The following GAGE1 variants were observed in gnomAD, a reference collection of about 807,000 sequenced individuals.
GAGE1 encodes the protein G antigen 1.
Under a neutral mutation model 5.0 loss-of-function variants are expected in GAGE1, and 5 were observed. The ratio of observed to expected loss-of-function variants is 1.00; its 90% confidence interval spans 0.52 to 2.11. The LOEUF (loss-of-function observed/expected upper bound fraction) is 2.11. Among genes scored for constraint, GAGE1 ranks in the 30% most tolerant of loss-of-function variants. The pLI, the probability that GAGE1 is intolerant of heterozygous loss-of-function variation, is 0.01. For synonymous variants in GAGE1, 6 were observed against 14.8 expected (o/e 0.40, Z 1.37); for missense variants, 9 against 38.9 (o/e 0.23, Z 2.04).
At chrX:49,605,402 A>T (rs184992324) in intron 4 of GAGE1, among the ~76,000 whole-genome samples, 9 of 112,266 alleles carry the variant, frequency 8.0e-5, no homozygotes, top group Admixed American at 4.7e-4. Context: ...GTGTTTTCCA[A>T]ATTGCTGACT....
intron 4 of GAGE1, chrX:49,605,064 A>G: frequency 9.8e-7 from 1 of 1,023,081 alleles, no homozygotes; most frequent in Non-Finnish European, 1.3e-6. Flanking sequence ...TGCTTCTTAA[A>G]TCTTTCCCCA....
rs1225741396 is a variant in GAGE1, at chrX:49,607,836, TA to T, written c.*1825del. The T allele has an allele frequency of 1.8e-5, 2 of 111,715 alleles. No homozygotes were observed. Among genetic ancestry groups the T allele is most frequent in the African/African-American group, 6.5e-5 (2 of 30,732 alleles). 9.2% of individuals were successfully genotyped at this position (111,715 alleles called of 1,213,427 possible). A position where few individuals can be genotyped will look rare whatever the true frequency, so the allele number is the denominator to read the frequency against. On this transcript the variant is annotated 3_prime_UTR_variant, in exon 5 of 5. Coordinates refer to ENST00000381700, the MANE Select transcript of GAGE1 (RefSeq NM_001040663.4). ...ATTTTTAAAATAAGAGGAATTATTA[TA>T]AAATTCCTATTTACTGGATGTGTAC...
intron 4 of GAGE1, among the ~76,000 whole-genome samples, chrX:49,604,725 A>C (rs148793590): frequency 0.025 from 2,801 of 111,786 alleles, 50 homozygotes; most frequent in Non-Finnish European, 0.042. Flanking sequence ...GTGAGGGGGC[A>C]CTCTGCTTCA....
At chrX:49,604,442 G>A (rs782358090) in intron 4 of GAGE1, among the ~76,000 whole-genome samples, 3 of 112,391 alleles carry the variant, frequency 2.7e-5, no homozygotes, top group East Asian at 2.8e-4. Flanking sequence ...GCACTCATGC[G>A]GGTTCTAATA....
intron 4 of GAGE1, chrX:49,604,961 A>G (rs1294229172): frequency 5.6e-6 from 4 of 720,497 alleles, no homozygotes; most frequent in Non-Finnish European, 7.7e-6. Flanking sequence ...GCACAAGCCA[A>G]CGTACCTGAG....
At chrX:49,605,929 T>TAAC (rs2066656011) in intron 4 of GAGE1, 64 bp from the exon 5 acceptor site, 8 of 562,000 alleles carry the variant, frequency 1.4e-5, no homozygotes, top group Non-Finnish European at 7.3e-6. Flanking sequence ...ATAATAATAA[T>TAAC]AATAATAATA....
At chrX:49,604,169 G>A (rs4824481) in intron 4 of GAGE1, among the ~76,000 whole-genome samples, 2 of 112,561 alleles carry the variant, frequency 1.8e-5, no homozygotes, top group African/African-American at 6.4e-5. Context: ...TATATTTTTA[G>A]TAAGAGAGAG....
intron 4 of GAGE1, chrX:49,605,163 G>A (rs782419697): frequency 1.0e-6 from 1 of 988,560 alleles, no homozygotes; most frequent in Admixed American, 2.5e-5. Flanking sequence ...TGCTCAGCAT[G>A]GGTGTGAGTA....
intron 4 of GAGE1, among the ~76,000 whole-genome samples, chrX:49,605,520 G>C (rs1557132047): frequency 3.6e-5 from 4 of 112,046 alleles, no homozygotes; most frequent in Non-Finnish European, 7.5e-5. Context: ...AGATTCAATT[G>C]GATATACGAC....
chrX:49,602,375 C>T (rs1276733592), intron 3 of GAGE1, among the ~76,000 whole-genome samples: 1 of 78,521 alleles, frequency 1.3e-5, no homozygotes, highest in Non-Finnish European at 3.2e-5. Flanking sequence ...AAGTTCAGTG[C>T]AGTTATCATA....
intron 4 of GAGE1, among the ~76,000 whole-genome samples, chrX:49,605,583 T>C (rs1290969744): frequency 6.3e-5 from 7 of 111,952 alleles, no homozygotes; most frequent in African/African-American, 1.9e-4. Context: ...ACCCAAACTG[T>C]AGTGTGCTTT....
At chrX:49,604,381 C>G (rs782477659) in intron 4 of GAGE1, among the ~76,000 whole-genome samples, 1 of 112,116 alleles carries the variant, frequency 8.9e-6, no homozygotes, top group Non-Finnish European at 1.9e-5. Context: ...TGCTTTTAAT[C>G]AATACATAAC....
chrX:49,607,479 C>T lies in GAGE1; in HGVS notation c.*1464C>T, dbSNP rs957723186. The T allele has an allele frequency of 1.8e-5, 2 of 111,245 alleles. No homozygotes were observed. The highest frequency in any genetic ancestry group is 3.8e-5 in the Non-Finnish European group (2 of 53,094). 9.2% of individuals were successfully genotyped at this position (111,245 alleles called of 1,213,427 possible). On this transcript the variant is annotated 3_prime_UTR_variant, in exon 5 of 5. Transcript: ENST00000381700. The stretch of plus-strand genomic sequence containing the variant: ...TTCCATTCACTGGAACTCAAGTCTC[C>T]TCAAGGCTGTGAGTAATGCAGGGCT...
At chrX:49,604,577 C>G (rs2066640328) in intron 4 of GAGE1, among the ~76,000 whole-genome samples, 1 of 112,226 alleles carries the variant, frequency 8.9e-6, no homozygotes, top group Non-Finnish European at 1.9e-5. Context: ...CCGGTTCTTT[C>G]ATACTCTGAT....
Position 49,608,261 on chromosome X carries a change from C to G in GAGE1, c.*2246C>G, listed in dbSNP as rs1269890566. 1 of 111,620 alleles carries G rather than the reference C, an allele frequency of 9.0e-6. No homozygotes were observed. Among genetic ancestry groups the G allele is most frequent in the African/African-American group, 3.3e-5 (1 of 30,729 alleles). 9.2% of individuals were successfully genotyped at this position (111,620 alleles called of 1,213,427 possible). ...TTTTTCTCTTGTTCTGACTGAAAAA[C>G]AAAGTGCTTTGACTGTGCTGTGACC... On this transcript the variant is annotated 3_prime_UTR_variant, in exon 5 of 5. Coordinates refer to ENST00000381700, the MANE Select transcript of GAGE1 (RefSeq NM_001040663.4).
In GAGE1 at chrX:49,603,972, C is replaced by A. The variant is rs1460460726; in HGVS notation, c.331+179C>A. Among the ~76,000 whole-genome samples the A allele has an allele frequency of 4.4e-5, 5 of 113,216 alleles. No homozygotes were observed. In the East Asian group the frequency reaches 1.1e-3, roughly 25 times the overall value. On this transcript the variant is annotated intron_variant, in intron 4 of 4. Transcript: ENST00000381700. ...GGTTCAAGTGATTCTCCTGCCTGAG[C>A]CTCTGGCGGAGCCGGGGTTACAGGC... is the stretch of plus-strand genomic sequence containing the variant.
Position 49,608,311 on chromosome X carries a change from A to G in GAGE1, c.*2296A>G, listed in dbSNP as rs2066669944. The G allele has an allele frequency of 8.9e-6, 1 of 111,802 alleles. No individual in the cohort carries two copies. The highest frequency in any genetic ancestry group is 3.2e-5 in the African/African-American group (1 of 30,797). 9.2% of individuals were successfully genotyped at this position (111,802 alleles called of 1,213,427 possible). On this transcript the variant is annotated 3_prime_UTR_variant, in exon 5 of 5. Coordinates refer to ENST00000381700, the MANE Select transcript of GAGE1 (RefSeq NM_001040663.4). The stretch of plus-strand genomic sequence containing the variant: ...CCAGCCAGCTGCATGTTTACCCAGC[A>G]TGCTTGAACCCAAGCTGGAGCCTTG...
chrX:49,604,645 C>G (rs1437478607), intron 4 of GAGE1, among the ~76,000 whole-genome samples: 2 of 112,403 alleles, frequency 1.8e-5, no homozygotes, highest in African/African-American at 6.5e-5. Context: ...GTTTGTTAAT[C>G]ACAAATCATG....
Position 49,607,159 on chromosome X carries a change from T to C in GAGE1, c.*1144T>C, listed in dbSNP as rs2066663865. On this transcript the variant is annotated 3_prime_UTR_variant, in exon 5 of 5. Coordinates refer to ENST00000381700, the MANE Select transcript of GAGE1 (RefSeq NM_001040663.4). Reference sequence around the variant, plus strand: ...GCTAATTTTTCTGTTTTAGAGATGGTATTTTTTCATGTTGCCCAGGCTGGT... The same window carrying C: ...GCTAATTTTTCTGTTTTAGAGATGGCATTTTTTCATGTTGCCCAGGCTGGT... The C allele has an allele frequency of 9.0e-6, 1 of 110,636 alleles. No individual in the cohort carries two copies. Among genetic ancestry groups the C allele is most frequent in the South Asian group, 4.0e-4 (1 of 2,514 alleles). The allele number at this position is 110,636 out of a possible 1,213,427, so 9.1% of individuals were successfully genotyped here. A position where few individuals can be genotyped will look rare whatever the true frequency, so the allele number is the denominator to read the frequency against.
Sources: gnomAD v4.1 joint callset for allele counts (sites outside exome capture counted in the v4.1 genomes callset) on GRCh38, gnomAD v4.1.1 for gene constraint, MANE v1.5 for transcripts, NCBI Gene and HGNC (gene_info 2026-07-23, HGNC 2026-07-21) for gene names.